AKT3: variants seen among roughly 807,000 people sequenced by gnomAD.
The protein encoded by AKT3 is RAC-gamma serine/threonine-protein kinase.
AKT3 carries 15 observed loss-of-function variants against 65.3 expected under a neutral mutation model. The observed-to-expected ratio is 0.23, with a 90% CI of 0.15 to 0.35. The LOEUF (loss-of-function observed/expected upper bound fraction) is 0.35, where lower values mean the gene tolerates loss of function less well. Among genes scored for constraint, AKT3 ranks in the 10% least tolerant of loss-of-function variants. AKT3 has a pLI of 1.00. For missense variants in AKT3, 243 were observed against 576.5 expected (o/e 0.42, Z 5.92); for synonymous variants, 206 against 183.8 (o/e 1.12, Z -0.98).
intron 3 of AKT3, among the ~76,000 whole-genome samples, chr1:243,671,892 C>T (rs1274574388): frequency 6.6e-6 from 1 of 152,204 alleles, no homozygotes; most frequent in East Asian, 1.9e-4. Flanking sequence ...CAATCCCATG[C>T]TCTTCTGAAG....
In AKT3 at chr1:243,609,859, G is replaced by T. The variant is rs963618662; in HGVS notation, c.696+3812C>A. ...TAATCATCAATTAATTAATCTTTAA[G>T]TACTCCGGGTTTAGAAAAGAAGTGC... On this transcript the variant is annotated intron_variant, in intron 8 of 13. Transcript: ENST00000673466. Among the ~76,000 whole-genome samples the T allele has an allele frequency of 2.6e-5, 4 of 152,148 alleles. No individual in the cohort carries two copies. In the East Asian group the frequency reaches 7.7e-4, roughly 29 times the overall value.
rs1687216879 is a variant in AKT3, at chr1:243,726,445, G to C, written c.47-30729C>G. On this transcript the variant is annotated intron_variant, in intron 2 of 13. Coordinates refer to ENST00000673466, the MANE Select transcript of AKT3 (RefSeq NM_005465.7). ...ATAAAGTGAACTCAATTAATGCAGG[G>C]AACAATCTAAAATATGGCAAATATT... Among the ~76,000 whole-genome samples, 5 of 152,178 alleles carry C rather than the reference G, an allele frequency of 3.3e-5. No homozygotes were observed. In the South Asian group the frequency reaches 1.0e-3, roughly 32 times the overall value.
intron 6 of AKT3, among the ~76,000 whole-genome samples, chr1:243,634,424 G>A (rs960003183): frequency 6.6e-6 from 1 of 151,690 alleles, no homozygotes; most frequent in Non-Finnish European, 1.5e-5. Flanking sequence ...ATTAAAAGTA[G>A]ATTAACAGCT....
intron 2 of AKT3, among the ~76,000 whole-genome samples, chr1:243,723,032 A>C (rs1245262933): frequency 6.6e-6 from 1 of 152,256 alleles, no homozygotes; most frequent in Non-Finnish European, 1.5e-5. Flanking sequence ...TATAAAAATG[A>C]CTATATGCTG....
intron 4 of AKT3, among the ~76,000 whole-genome samples, chr1:243,652,771 CAAAAA>C (rs371580711): frequency 7.4e-3 from 232 of 31,300 alleles, no homozygotes; most frequent in Admixed American, 9.9e-3. Flanking sequence ...AAATAGAAAG[CAAAAA>C]AAAAAAAAAA....
At chr1:243,750,860 G>A (rs1276410809) in intron 2 of AKT3, among the ~76,000 whole-genome samples, 2 of 151,880 alleles carry the variant, frequency 1.3e-5, no homozygotes, top group Non-Finnish European at 2.9e-5. Flanking sequence ...GGGATTACAG[G>A]TATGAGCCAC....
At chr1:243,747,451 A>C (rs1232236691) in intron 2 of AKT3, among the ~76,000 whole-genome samples, 1 of 152,182 alleles carries the variant, frequency 6.6e-6, no homozygotes, top group Non-Finnish European at 1.5e-5. Flanking sequence ...CTGCTTCAAC[A>C]AAATTTGGGG....
At chr1:243,792,368 G>GACCTCGTGATCCGCCCGCCTCGGCCTCC (rs1691686830) in intron 2 of AKT3, among the ~76,000 whole-genome samples, 1 of 152,078 alleles carries the variant, frequency 6.6e-6, no homozygotes, top group African/African-American at 2.4e-5. Context: ...ATAAAAGTCA[G>GACCTCGTGATCCGCCCGCCTCGGCCTCC]CAAAAGAGAT....
At chr1:243,621,576 A>G (rs1678755271) in intron 6 of AKT3, among the ~76,000 whole-genome samples, 2 of 152,178 alleles carry the variant, frequency 1.3e-5, no homozygotes, top group South Asian at 4.1e-4. Context: ...TTCCAAATTT[A>G]TACCTCAAAT....
chr1:243,508,938 C>T (rs1208697734), intron 13 of AKT3, among the ~76,000 whole-genome samples: 1 of 152,098 alleles, frequency 6.6e-6, no homozygotes, highest in Non-Finnish European at 1.5e-5. Flanking sequence ...TCCCAAAGTG[C>T]TGGGATTACA....
chr1:243,798,393 A>ATTTT lies in AKT3; in HGVS notation c.46+44728_46+44731dup, dbSNP rs759264137. 2.5e-3 allele frequency among the ~76,000 whole-genome samples: 205 copies of ATTTT among 83,326 alleles called. 11 individuals are homozygous for ATTTT. Among genetic ancestry groups the ATTTT allele is most frequent in the Non-Finnish European group, 3.3e-3 (157 of 46,978 alleles). The allele number at this position is 83,326 out of a possible 152,430, so 54.7% of individuals were successfully genotyped here. ...CACCACTACACCTGGCTAATTTTTA[A>ATTTT]TTTTTTTTTTTTTTTTTTTTTTTTG... On this transcript the variant is annotated intron_variant, in intron 2 of 13. Transcript: ENST00000673466.
intron 6 of AKT3, among the ~76,000 whole-genome samples, chr1:243,622,595 G>A (rs900394096): frequency 6.6e-6 from 1 of 152,174 alleles, no homozygotes; most frequent in Non-Finnish European, 1.5e-5. Context: ...AATAATGAGT[G>A]AATGAACTAG....
At chr1:243,575,763 A>G (rs1328093626) in intron 8 of AKT3, among the ~76,000 whole-genome samples, 1 of 152,182 alleles carries the variant, frequency 6.6e-6, no homozygotes, top group African/African-American at 2.4e-5. Flanking sequence ...AAATCTCCAA[A>G]AAAGTGCTAC....
intron 8 of AKT3, among the ~76,000 whole-genome samples, chr1:243,605,252 T>G (rs1677313055): frequency 6.6e-6 from 1 of 151,804 alleles, no homozygotes; most frequent in African/African-American, 2.4e-5. Flanking sequence ...GGTCTCAAAC[T>G]CCTGGCCTCA....
intron 9 of AKT3, 90 bp downstream of exon 9, chr1:243,572,836 T>C: frequency 7.6e-7 from 1 of 1,319,088 alleles, no homozygotes; most frequent in Non-Finnish European, 1.0e-6. Context: ...AATCTGCTTT[T>C]CTCAAAACTG....
intron 2 of AKT3, among the ~76,000 whole-genome samples, chr1:243,716,561 G>A (rs2148095984): frequency 6.6e-6 from 1 of 152,204 alleles, no homozygotes; most frequent in South Asian, 2.1e-4. Context: ...CTAACATATG[G>A]ATATGGACTT....
rs1457348321 is a variant in AKT3 at position 243,501,751 on chromosome 1, TAAAC to T, written c.*3494_*3497del. ...ATTATAGAACCACATCCAACAACAA[TAAAC>T]AGAGAAGTAGCAGATTGACATAGTG... On this transcript the variant is annotated 3_prime_UTR_variant, in exon 14 of 14. Transcript: ENST00000673466. 4.3e-6 allele frequency: 1 copy of T among 232,880 alleles called. No individual in the cohort carries two copies. Among genetic ancestry groups the T allele is most frequent in the Non-Finnish European group, 8.5e-6 (1 of 117,908 alleles). 14.4% of individuals were successfully genotyped at this position (232,880 alleles called of 1,614,324 possible).
chr1:243,536,972 G>A (rs1671980359), intron 12 of AKT3, among the ~76,000 whole-genome samples: 3 of 152,108 alleles, frequency 2.0e-5, no homozygotes, highest in Non-Finnish European at 4.4e-5. Context: ...TGCTTCACTT[G>A]TAAAGCAGTA....
chr1:243,584,459 T>C (rs1483879786), intron 8 of AKT3, among the ~76,000 whole-genome samples: 2 of 152,172 alleles, frequency 1.3e-5, no homozygotes, highest in African/African-American at 4.8e-5. Context: ...AACATCCTGA[T>C]ACCAAAACCT....
Sources: gnomAD v4.1 joint callset for allele counts (sites outside exome capture counted in the v4.1 genomes callset) on GRCh38, gnomAD v4.1.1 for gene constraint, MANE v1.5 for transcripts, NCBI Gene and HGNC (gene_info 2026-07-23, HGNC 2026-07-21) for gene names.